FGF13: variants seen among roughly 807,000 people sequenced by gnomAD.
The protein encoded by FGF13 is fibroblast growth factor homologous factor 2.
In FGF13, 2 loss-of-function variants were observed where a neutral mutation model predicts 19.5. That is an observed-to-expected ratio of 0.10 (90% CI 0.04 to 0.32). The LOEUF is 0.32. Ranked by LOEUF, FGF13 falls within the 10% of genes least tolerant of loss-of-function variation. The pLI is 1.00. For missense variants in FGF13, 113 were observed against 192.7 expected, an observed-to-expected ratio of 0.59 and a Z score of 2.45; for synonymous variants, 72 against 76.9, an observed-to-expected ratio of 0.94 and a Z score of 0.33.
rs143933134 is a variant in FGF13, at chrX:138,739,321, A to G, written c.-52T>C. On this transcript the variant is annotated 5_prime_UTR_variant, in exon 1 of 5. Transcript: ENST00000305414. Reference sequence around the variant, plus strand: ...GACAATTGCTGTCTACATTTGGAGCAGACACAGAGAGAGAGGAGATCAGAG... The same window carrying G: ...GACAATTGCTGTCTACATTTGGAGCGGACACAGAGAGAGAGGAGATCAGAG... The G allele has an allele frequency of 2.9e-3, 3,449 of 1,172,236 alleles. 68 individuals are homozygous for G. The African/African-American group carries it at 0.052, about 18-fold the overall frequency.
At chrX:138,692,813 C>T (rs1422617863) in intron 3 of FGF13, among the ~76,000 whole-genome samples, 1 of 111,025 alleles carries the variant, frequency 9.0e-6, no homozygotes, top group African/African-American at 3.3e-5. Context: ...TGTTTAGCTT[C>T]AAGAGTCTGG....
At chrX:139,112,230 G>A (rs1302353077) in intron 1 of FGF13, among the ~76,000 whole-genome samples, 3 of 111,342 alleles carry the variant, frequency 2.7e-5, no homozygotes, top group African/African-American at 9.8e-5. Context: ...TTCCTCATCC[G>A]TAAAATGGGG....
At chrX:138,952,000 G>T (rs190060847) in intron 1 of FGF13, among the ~76,000 whole-genome samples, 1 of 111,553 alleles carries the variant, frequency 9.0e-6, no homozygotes, top group East Asian at 2.8e-4. Flanking sequence ...TGGCCATACT[G>T]CCCAAGGTAA....
chrX:139,133,140 T>G (rs963307396), intron 1 of FGF13, among the ~76,000 whole-genome samples: 9 of 110,564 alleles, frequency 8.1e-5, no homozygotes, highest in Non-Finnish European at 1.1e-4. Context: ...GGACATATGT[T>G]CTCAGGATTT....
chrX:138,934,486 T>C (rs757664468), intron 1 of FGF13, among the ~76,000 whole-genome samples: 1 of 112,706 alleles, frequency 8.9e-6, no homozygotes, highest in Non-Finnish European at 1.9e-5. Context: ...CTAATAAGTC[T>C]GAAGCACAGT....
chrX:139,069,778 C>G (rs2092370717), intron 1 of FGF13, among the ~76,000 whole-genome samples: 1 of 111,673 alleles, frequency 9.0e-6, no homozygotes, highest in African/African-American at 3.3e-5. Flanking sequence ...GGCACGAAAA[C>G]AGAAATATAG....
chrX:138,666,063 A>G (rs1255431885), intron 3 of FGF13, among the ~76,000 whole-genome samples: 1 of 111,157 alleles, frequency 9.0e-6, no homozygotes, highest in East Asian at 2.8e-4. Flanking sequence ...TTTTTGTCCT[A>G]TGATTTAATT....
rs1401837452 is a variant in FGF13 at position 138,630,856 on chromosome X, T to C, written c.*1994A>G. On this transcript the variant is annotated 3_prime_UTR_variant, in exon 5 of 5. Coordinates refer to ENST00000315930, the MANE Select transcript of FGF13 (RefSeq NM_004114.5). ...TTTAATACACCTAACCTAGCAAACATCATAGCTTAGCCTAGCCTACTTTAA... is the reference window on the plus strand; with the variant it reads ...TTTAATACACCTAACCTAGCAAACACCATAGCTTAGCCTAGCCTACTTTAA... 8.9e-6 allele frequency: 1 copy of C among 112,282 alleles called. No individual in the cohort carries two copies. The highest frequency in any genetic ancestry group is 3.2e-5 in the African/African-American group (1 of 30,922). The allele number at this position is 112,282 out of a possible 1,213,427, so 9.3% of individuals were successfully genotyped here. A position where few individuals can be genotyped will look rare whatever the true frequency, so the allele number is the denominator to read the frequency against.
intron 1 of FGF13, among the ~76,000 whole-genome samples, chrX:139,006,162 A>G (rs1392195762): frequency 9.0e-6 from 1 of 111,619 alleles, no homozygotes; most frequent in Non-Finnish European, 1.9e-5. Flanking sequence ...GGTGAAGGAT[A>G]AAGAAAGAAC....
chrX:139,157,386 A>G (rs1427993765), intron 1 of FGF13, among the ~76,000 whole-genome samples: 2 of 112,004 alleles, frequency 1.8e-5, no homozygotes, highest in African/African-American at 3.3e-5. Flanking sequence ...GTTTAAATGT[A>G]TCCTCCAAAA....
At chrX:138,873,732 A>T (rs2091370605) in intron 1 of FGF13, among the ~76,000 whole-genome samples, 1 of 111,069 alleles carries the variant, frequency 9.0e-6, no homozygotes, top group African/African-American at 3.3e-5. Flanking sequence ...GCCAGTTTTC[A>T]CAAGCTTCAA....
intron 3 of FGF13, among the ~76,000 whole-genome samples, chrX:138,800,245 A>C (rs1208088502): frequency 1.8e-5 from 2 of 111,608 alleles, no homozygotes; most frequent in Non-Finnish European, 3.8e-5. Context: ...TGCTTCCTTC[A>C]GGAGCTCCTG....
chrX:139,186,263 G>C (rs1313591256), intron 1 of FGF13, among the ~76,000 whole-genome samples: 1 of 111,725 alleles, frequency 9.0e-6, no homozygotes, highest in African/African-American at 3.3e-5. Context: ...ACAGTTGTAA[G>C]TGCTAGAGAT....
At chrX:138,860,777 C>G (rs1255719588) in intron 2 of FGF13, among the ~76,000 whole-genome samples, 1 of 112,312 alleles carries the variant, frequency 8.9e-6, no homozygotes. Context: ...TCTGGAAGCC[C>G]CATGCTTTTT....
chrX:139,044,119 G>T lies in FGF13; in HGVS notation c.-113+159297C>A, dbSNP rs146476721. Among the ~76,000 whole-genome samples, 680 of 111,946 alleles carry T rather than the reference G, an allele frequency of 6.1e-3. 2 individuals are homozygous for T. The highest frequency in any genetic ancestry group is 0.023 in the Middle Eastern group (5 of 218). On this transcript the variant is annotated intron_variant, in intron 1 of 2. Transcript: ENST00000421460. ...ATTGTATACTTCAAAATAGTTAAAA[G>T]GTAAATTTTATGTTGTGTATATTTT...
rs1291589290 is a variant in FGF13, at chrX:138,622,188, T to C, written c.*10662A>G. 9.0e-6 allele frequency: 1 copy of C among 110,807 alleles called. No homozygotes were observed. The highest frequency in any genetic ancestry group is 1.9e-5 in the Non-Finnish European group (1 of 52,802). 9.1% of individuals were successfully genotyped at this position (110,807 alleles called of 1,213,427 possible). On this transcript the variant is annotated 3_prime_UTR_variant, in exon 5 of 5. Coordinates refer to ENST00000315930, the MANE Select transcript of FGF13 (RefSeq NM_004114.5). ...TACAGTCCCAAATCCCTGTTGAACA[T>C]AGATGCAAAAATCCACAACAAAATA...
chrX:139,183,883 C>T (rs5931583), intron 1 of FGF13, among the ~76,000 whole-genome samples: 1 of 110,707 alleles, frequency 9.0e-6, no homozygotes, highest in Non-Finnish European at 1.9e-5. Context: ...ACATACTACT[C>T]AATGCAAGTG....
chrX:138,843,711 C>T (rs2091164308), intron 3 of FGF13, among the ~76,000 whole-genome samples: 1 of 111,708 alleles, frequency 9.0e-6, no homozygotes, highest in African/African-American at 3.3e-5. Flanking sequence ...CCTTCAAATA[C>T]ATAGGACAGA....
At chrX:138,958,244 G>C (rs1171766186) in intron 1 of FGF13, among the ~76,000 whole-genome samples, 2 of 111,869 alleles carry the variant, frequency 1.8e-5, no homozygotes, top group East Asian at 2.8e-4. Context: ...AAGGGCTGTT[G>C]AATTTTGTCA....
Sources: gnomAD v4.1 joint callset for allele counts (sites outside exome capture counted in the v4.1 genomes callset) on GRCh38, gnomAD v4.1.1 for gene constraint, MANE v1.5 for transcripts, NCBI Gene and HGNC (gene_info 2026-07-23, HGNC 2026-07-21) for gene names.